TUSC3: variants seen among roughly 807,000 people sequenced by gnomAD.
The protein encoded by TUSC3 is dolichyl-diphosphooligosaccharide--protein glycosyltransferase subunit TUSC3.
A neutral mutation model predicts 44.8 loss-of-function variants in TUSC3; 45 were observed. The ratio of observed to expected loss-of-function variants is 1.00; its 90% CI spans 0.79 to 1.29. The LOEUF is 1.29. Among genes scored for constraint, TUSC3 ranks in the 50% most tolerant of loss-of-function variants. TUSC3 has a pLI of 0.00. For missense variants in TUSC3, 519 were observed against 437.9 expected (o/e 1.19, Z -1.65); for synonymous variants, 212 against 152.9 (o/e 1.39, Z -2.85).
chr8:15,608,036 A>C (rs936400338), intron 1 of TUSC3, among the ~76,000 whole-genome samples: 24 of 152,202 alleles, frequency 1.6e-4, no homozygotes, highest in Non-Finnish European at 1.6e-4. Context: ...GAATGGTGAG[A>C]ATGTCTATAA....
chr8:15,532,698 A>G lies in TUSC3; in HGVS notation n.189+49215A>G, dbSNP rs148287145. Among the ~76,000 whole-genome samples the G allele has an allele frequency of 2.2e-3, 334 of 152,262 alleles. 1 individual carries two copies. Among genetic ancestry groups the G allele is most frequent in the African/African-American group, 7.7e-3 (319 of 41,538 alleles). On this transcript the variant is annotated intron_variant and non_coding_transcript_variant, in intron 2 of 5. Coordinates refer to the TUSC3 transcript ENST00000503191. ...CCAAATCTCATCTGTAGCTCCCATA[A>G]TTACCATTTGTTGTGGGTGGGACCC...
At chr8:15,435,109 AC>A (rs1483539523) in intron 1 of TUSC3, among the ~76,000 whole-genome samples, 1 of 149,098 alleles carries the variant, frequency 6.7e-6, no homozygotes, top group African/African-American at 2.6e-5. Flanking sequence ...AGGAATCGCC[AC>A]ACCGACTTCC....
chr8:15,656,640 C>T (rs182240369), intron 3 of TUSC3, among the ~76,000 whole-genome samples: 23 of 152,336 alleles, frequency 1.5e-4, no homozygotes, highest in African/African-American at 5.3e-4. Flanking sequence ...ACAGCTCTCC[C>T]AGGCCCAAGC....
At chr8:15,688,891 T>C (rs149083309) in intron 6 of TUSC3, 70 of 167,402 alleles carry the variant, frequency 4.2e-4, no homozygotes, top group Middle Eastern at 5.3e-3. Context: ...GCAGATGTAG[T>C]GTTTCCAGGA....
At chr8:15,774,018 A>C in the TUSC3 span, among the ~76,000 whole-genome samples, 1 of 152,186 alleles carries the variant, frequency 6.6e-6, no homozygotes, top group Non-Finnish European at 1.5e-5. Flanking sequence ...CTTCAAAAGC[A>C]CAAGCAACAA....
intron 3 of TUSC3, among the ~76,000 whole-genome samples, chr8:15,657,190 C>G (rs1177863270): frequency 6.6e-6 from 1 of 152,306 alleles, no homozygotes; most frequent in African/African-American, 2.4e-5. Context: ...ATATTCTCTC[C>G]TGAACATGTT....
chr8:15,798,643 G>GGT, the TUSC3 span, among the ~76,000 whole-genome samples: 60,214 of 135,342 alleles, frequency 0.44, 14,528 homozygotes, highest in Non-Finnish European at 0.58. Flanking sequence ...TACTCTCCTG[G>GGT]GTGTGTGGGG....
chr8:15,440,493 T>A (rs79392042), intron 1 of TUSC3, among the ~76,000 whole-genome samples: 2,393 of 152,256 alleles, frequency 0.016, 31 homozygotes, highest in Non-Finnish European at 0.026. Flanking sequence ...TTGTAACAAA[T>A]CTCACTGATG....
intron 2 of TUSC3, among the ~76,000 whole-genome samples, chr8:15,639,624 A>G (rs1357948475): frequency 6.6e-6 from 1 of 152,240 alleles, no homozygotes. Flanking sequence ...ATATAAAGTC[A>G]TAAATTACAA....
intron 1 of TUSC3, among the ~76,000 whole-genome samples, chr8:15,566,710 A>G (rs1201212684): frequency 6.6e-6 from 1 of 151,510 alleles, no homozygotes; most frequent in African/African-American, 2.4e-5. Flanking sequence ...GCCACAACCA[A>G]CCTCCTAGGC....
rs562937359 is a variant in TUSC3 at position 15,441,797 on chromosome 8, G to A, written n.91+24492G>A. Among the ~76,000 whole-genome samples, 6 of 152,270 alleles carry A rather than the reference G, an allele frequency of 3.9e-5. 1 individual carries two copies. Among genetic ancestry groups the A allele is most frequent in the African/African-American group, 1.4e-4 (6 of 41,564 alleles). ...GTGTCCTGAGTGTTCCAGACTGGAT[G>A]ACCCAGCAGGTGGGATGATATAGAG... On this transcript the variant is annotated intron_variant and non_coding_transcript_variant, in intron 1 of 5. Transcript: ENST00000503191.
chr8:15,634,551 A>G (rs1805976141), intron 2 of TUSC3, among the ~76,000 whole-genome samples: 1 of 152,204 alleles, frequency 6.6e-6, no homozygotes, highest in Non-Finnish European at 1.5e-5. Flanking sequence ...AAGATTAAGA[A>G]GAATGACAAA....
At chr8:15,420,985 A>G (rs1799731736) in intron 1 of TUSC3, among the ~76,000 whole-genome samples, 3 of 152,126 alleles carry the variant, frequency 2.0e-5, no homozygotes, top group African/African-American at 7.2e-5. Context: ...TATGCAAGTG[A>G]CACTAATTTT....
At chr8:15,508,175 G>T (rs1259547927) in intron 2 of TUSC3, among the ~76,000 whole-genome samples, 1 of 152,144 alleles carries the variant, frequency 6.6e-6, no homozygotes, top group Non-Finnish European at 1.5e-5. Context: ...GGGAGGCAGA[G>T]GTTGCAGTGA....
intron 2 of TUSC3, among the ~76,000 whole-genome samples, chr8:15,521,286 C>T (rs1454986177): frequency 6.6e-6 from 1 of 152,094 alleles, no homozygotes; most frequent in East Asian, 1.9e-4. Context: ...ATGGCCTTGG[C>T]TTACCACTGA....
rs76190528 is a variant in TUSC3 at position 15,426,971 on chromosome 8, G to A, written n.91+9666G>A. On this transcript the variant is annotated intron_variant and non_coding_transcript_variant, in intron 1 of 5. Transcript: ENST00000503191. ...TTGCATTTCCCTGAGCATTAGTGAT[G>A]TTGAGGGTATTTTCATATACCTGGT... is the stretch of plus-strand genomic sequence containing the variant. 9.3e-3 allele frequency among the ~76,000 whole-genome samples: 1,420 copies of A among 152,204 alleles called. 25 individuals carry two copies. The highest frequency in any genetic ancestry group is 0.033 in the African/African-American group (1,351 of 41,528).
intron 5 of TUSC3, among the ~76,000 whole-genome samples, chr8:15,664,096 T>C (rs1333716880): frequency 1.3e-5 from 2 of 151,794 alleles, no homozygotes; most frequent in Non-Finnish European, 2.9e-5. Flanking sequence ...TCTTTTTTCT[T>C]TGGGGTATGC....
intron 6 of TUSC3, among the ~76,000 whole-genome samples, chr8:15,696,492 T>A (rs1019189369): frequency 6.6e-6 from 1 of 151,976 alleles, no homozygotes; most frequent in Non-Finnish European, 1.5e-5. Context: ...AAATGTGGGG[T>A]CAAAGCGCTC....
At chr8:15,685,906 T>G (rs1173326988) in intron 6 of TUSC3, among the ~76,000 whole-genome samples, 1 of 18,530 alleles carries the variant, frequency 5.4e-5, no homozygotes, top group Non-Finnish European at 1.1e-4. Flanking sequence ...CTAGTGACTC[T>G]GCTCATATTA....
Sources: gnomAD v4.1 joint callset for allele counts (sites outside exome capture counted in the v4.1 genomes callset) on GRCh38, gnomAD v4.1.1 for gene constraint, MANE v1.5 for transcripts, NCBI Gene and HGNC (gene_info 2026-07-23, HGNC 2026-07-21) for gene names.